Variants in ICA1 observed in about 807,000 individuals in gnomAD.
ICA1 encodes islet cell autoantigen 1, also known as 69 kDa islet cell autoantigen.
A neutral mutation model predicts 71.0 loss-of-function variants in ICA1; 40 were observed. The ratio of observed to expected loss-of-function variants is 0.56; its 90% CI spans 0.44 to 0.73. The LOEUF is 0.73. ICA1 is among the 30% of genes least tolerant of loss of function. ICA1 has a pLI of 0.00. For synonymous variants in ICA1, 207 were observed against 209.5 expected (o/e 0.99, Z 0.10); for missense variants, 578 against 576.5 (o/e 1.00, Z -0.03).
chr7:8,155,661 G>A (rs932582614), intron 8 of ICA1, among the ~76,000 whole-genome samples: 2 of 152,186 alleles, frequency 1.3e-5, no homozygotes, highest in African/African-American at 2.4e-5. Flanking sequence ...AAGAAAACCC[G>A]ATGCACATGC....
Position 8,128,160 on chromosome 7 carries a change from G to A in ICA1, c.1061-18C>T, listed in dbSNP as rs1414706894. ...CAGGCAAGCTGATTGAAGTAACAGAGAACAAAACGTCACCACGGAGGGCTC... is the reference window on the plus strand; with the variant it reads ...CAGGCAAGCTGATTGAAGTAACAGAAAACAAAACGTCACCACGGAGGGCTC... On this transcript the variant is annotated intron_variant, in intron 12 of 13. Transcript: ENST00000402384. 3.7e-6 allele frequency: 6 copies of A among 1,609,882 alleles called. No homozygotes were observed. The highest frequency in any genetic ancestry group is 1.7e-5 in the Admixed American group (1 of 59,860).
Position 8,231,294 on chromosome 7 carries a change from G to A in ICA1, c.183+1296C>T, listed in dbSNP as rs566929601. ...GGTGGTGAGGGCAATGTAAGCGTGT[G>A]GGAGAGAGGAAATGCAGGATGGGGA... On this transcript the variant is annotated intron_variant, in intron 3 of 13. Transcript: ENST00000402384. 8.2e-4 allele frequency among the ~76,000 whole-genome samples: 125 copies of A among 152,236 alleles called. 1 individual carries two copies. The highest frequency in any genetic ancestry group is 2.9e-3 in the African/African-American group (122 of 41,540).
At chr7:8,175,904 T>C (rs3779369) in intron 6 of ICA1, among the ~76,000 whole-genome samples, 74,103 of 152,066 alleles carry the variant, frequency 0.49, 19,044 homozygotes, top group African/African-American at 0.66. Flanking sequence ...AAGAGAGCTG[T>C]GATTCTCCCT....
intron 1 of ICA1, among the ~76,000 whole-genome samples, chr7:8,247,061 T>C (rs1806317487): frequency 6.6e-6 from 1 of 152,134 alleles, no homozygotes; most frequent in Non-Finnish European, 1.5e-5. Context: ...TTTTCATATA[T>C]GCTTGCTGTG....
intron 2 of ICA1, among the ~76,000 whole-genome samples, chr7:8,233,203 G>A (rs534172547): frequency 6.6e-6 from 1 of 152,298 alleles, no homozygotes; most frequent in African/African-American, 2.4e-5. Context: ...CTGAAGAACA[G>A]CATGCCTAAG....
At chr7:8,175,540 C>T (rs1312440513) in intron 6 of ICA1, among the ~76,000 whole-genome samples, 2 of 152,116 alleles carry the variant, frequency 1.3e-5, no homozygotes, top group Non-Finnish European at 2.9e-5. Flanking sequence ...TTTATATCCA[C>T]CTGAATAAAC....
At chr7:8,255,473 C>G (rs1809763723) in intron 1 of ICA1, among the ~76,000 whole-genome samples, 1 of 152,172 alleles carries the variant, frequency 6.6e-6, no homozygotes. Context: ...AGGTTCCAAG[C>G]TTGGAACTTT....
intron 6 of ICA1, among the ~76,000 whole-genome samples, chr7:8,211,427 A>G (rs1210795444): frequency 1.3e-5 from 2 of 152,240 alleles, no homozygotes; most frequent in South Asian, 2.1e-4. Flanking sequence ...TTTGTCCAGC[A>G]TTATGCCCTG....
intron 8 of ICA1, among the ~76,000 whole-genome samples, chr7:8,155,594 T>C (rs890237941): frequency 2.0e-5 from 3 of 152,326 alleles, no homozygotes; most frequent in African/African-American, 7.2e-5. Flanking sequence ...AACTGGTTGG[T>C]GTATGTAATG....
At chr7:8,149,241 C>A (rs4720765) in intron 8 of ICA1, among the ~76,000 whole-genome samples, 107,016 of 152,084 alleles carry the variant, frequency 0.7, 38,223 homozygotes, top group East Asian at 0.92. Context: ...TGTTTCTAAA[C>A]CCCAAACCCA....
chr7:8,151,359 C>T lies in ICA1; in HGVS notation c.804+5757G>A, dbSNP rs74600849. 0.01 allele frequency among the ~76,000 whole-genome samples: 1,546 copies of T among 152,290 alleles called. 64 individuals are homozygous for T. The East Asian group carries it at 0.11, about 11-fold the overall frequency. On this transcript the variant is annotated intron_variant, in intron 8 of 13. Coordinates refer to ENST00000402384, the MANE Select transcript of ICA1 (RefSeq NM_001136020.3). ...GATGAACAAATGACAAGCCACACTCCGGCTCGTCCCCCTCAGATTTCAGTG... is the reference window on the plus strand; with the variant it reads ...GATGAACAAATGACAAGCCACACTCTGGCTCGTCCCCCTCAGATTTCAGTG...
At chr7:8,217,578 C>A (rs1484296835) in intron 6 of ICA1, among the ~76,000 whole-genome samples, 1 of 152,100 alleles carries the variant, frequency 6.6e-6, no homozygotes, top group African/African-American at 2.4e-5. Flanking sequence ...TGAAATATAT[C>A]CAGGCGACCA....
At chr7:8,230,787 T>C (rs1800035459) in intron 3 of ICA1, among the ~76,000 whole-genome samples, 1 of 152,152 alleles carries the variant, frequency 6.6e-6, no homozygotes, top group Non-Finnish European at 1.5e-5. Context: ...ATTGCAGAAA[T>C]CTCCATTAGA....
intron 8 of ICA1, among the ~76,000 whole-genome samples, chr7:8,147,742 G>A (rs1797527179): frequency 6.7e-6 from 1 of 149,450 alleles, no homozygotes; most frequent in African/African-American, 2.5e-5. Context: ...GCTTAACTGA[G>A]CTATAATTCA....
At chr7:8,209,706 A>T (rs926201980) in intron 6 of ICA1, among the ~76,000 whole-genome samples, 1 of 150,702 alleles carries the variant, frequency 6.6e-6, no homozygotes, top group African/African-American at 2.5e-5. Flanking sequence ...GAACAGTGCA[A>T]AAGGGTAACA....
At chr7:8,200,283 T>C (rs1057299860) in intron 6 of ICA1, among the ~76,000 whole-genome samples, 1 of 122,022 alleles carries the variant, frequency 8.2e-6, no homozygotes, top group African/African-American at 3.1e-5. Context: ...GTTTCCGGGA[T>C]GACAGAAGTA....
chr7:8,133,846 CTTTTTTTT>C (rs57086182), intron 12 of ICA1, among the ~76,000 whole-genome samples: 7 of 118,892 alleles, frequency 5.9e-5, no homozygotes, highest in Non-Finnish European at 1.2e-4. Flanking sequence ...AAAAATCATA[CTTTTTTTT>C]TTTTTTTTTT....
At chr7:8,237,171 A>G (rs879794477) in intron 1 of ICA1, among the ~76,000 whole-genome samples, 6 of 152,196 alleles carry the variant, frequency 3.9e-5, no homozygotes, top group Non-Finnish European at 7.3e-5. Flanking sequence ...GAGAGCATCC[A>G]AATATCTGGA....
intron 6 of ICA1, among the ~76,000 whole-genome samples, chr7:8,217,971 T>C (rs1168678934): frequency 6.6e-6 from 1 of 152,198 alleles, no homozygotes; most frequent in Non-Finnish European, 1.5e-5. Context: ...TGTTCTAACC[T>C]CCCAGATTCA....
Sources: allele counts gnomAD v4.1 joint callset (sites outside exome capture counted in the v4.1 genomes callset), GRCh38; gene constraint gnomAD v4.1.1; transcripts MANE v1.5; gene names NCBI Gene and HGNC (gene_info 2026-07-23, HGNC 2026-07-21).